The following ROPN1B variants were observed in gnomAD, a reference collection of about 807,000 sequenced individuals.
ROPN1B encodes rhophilin associated tail protein 1B, also known as ropporin-1B.
In ROPN1B, 13 loss-of-function variants were observed where a neutral mutation model predicts 23.7. The observed-to-expected ratio is 0.55, with a 90% CI of 0.36 to 0.87. The LOEUF is 0.87. Ranked by LOEUF, ROPN1B falls within the 40% of genes least tolerant of loss-of-function variation. The pLI is 0.01. For missense variants in ROPN1B, 183 were observed against 249.2 expected, an observed-to-expected ratio of 0.73 and a Z score of 1.79; for synonymous variants, 67 against 100.4, an observed-to-expected ratio of 0.67 and a Z score of 1.99.
Position 125,983,441 on chromosome 3 carries a change from T to C in ROPN1B, c.*121T>C. 2 of 702,178 alleles carry C rather than the reference T, an allele frequency of 2.8e-6. No homozygotes were observed. Among genetic ancestry groups the C allele is most frequent in the Non-Finnish European group, 5.1e-6 (2 of 395,424 alleles). The allele number at this position is 702,178 out of a possible 1,614,324, so 43.5% of individuals were successfully genotyped here. A position where few individuals can be genotyped will look rare whatever the true frequency, so the allele number is the denominator to read the frequency against. On this transcript the variant is annotated 3_prime_UTR_variant, in exon 7 of 7. Transcript: ENST00000514116. Reference sequence around the variant, plus strand: ...ACTGGTACACACTAATAAACAAACATGTGAGATCAGAAATGTGCGGAATTA... The same window carrying C: ...ACTGGTACACACTAATAAACAAACACGTGAGATCAGAAATGTGCGGAATTA...
rs200315409 is a variant in ROPN1B at position 125,983,291 on chromosome 3, A to C, written c.610A>C (p.Thr204Pro). The change falls in exon 7 of 7, where the codon ACC (threonine) becomes CCC (proline). Residue 204 changes from threonine to proline, a missense_variant. Around this residue, in one of 3 missense-constraint regions of ROPN1B, gnomAD observed 80 missense variants for 98.0 expected, o/e 0.82. Coordinates refer to ENST00000514116, the MANE Select transcript of ROPN1B (RefSeq NM_001308313.2). ...PDGLITVNDF[T>P]QNPRVWLE ...TGGTTTAATCACGGTGAATGACTTT[A>C]CCCAAAACCCCAGGGTTTGGCTGGA... is the stretch of plus-strand genomic sequence containing the variant. The C allele has an allele frequency of 2.7e-4, 431 of 1,613,810 alleles. No individual in the cohort carries two copies. The highest frequency in any genetic ancestry group is 3.6e-4 in the Non-Finnish European group (421 of 1,179,736).
chr3:125,981,398 C>G (rs1481098557), intron 5 of ROPN1B, among the ~76,000 whole-genome samples: 1 of 152,190 alleles, frequency 6.6e-6, no homozygotes, highest in African/African-American at 2.4e-5. Context: ...TTCACTCACC[C>G]TAAGTCACCA....
intron 5 of ROPN1B, chr3:125,977,775 A>G (rs1938476715): frequency 6.4e-6 from 1 of 156,108 alleles, no homozygotes; most frequent in Non-Finnish European, 1.4e-5. Context: ...ATCAGTTTAT[A>G]TGTATAGATA....
chr3:125,973,417 C>G (rs1196730280), intron 3 of ROPN1B: 1 of 178,612 alleles, frequency 5.6e-6, no homozygotes, highest in Non-Finnish European at 1.2e-5. Context: ...GTAATAAGCC[C>G]TGTTTAGTTT....
At chr3:125,975,310 C>A (rs1200436477) in intron 3 of ROPN1B, among the ~76,000 whole-genome samples, 1 of 152,226 alleles carries the variant, frequency 6.6e-6, no homozygotes, top group Non-Finnish European at 1.5e-5. Context: ...CCAAACTTTT[C>A]TTGGTTCTTC....
Position 125,978,980 on chromosome 3 carries a change from A to G in ROPN1B, c.396+1815A>G, listed in dbSNP as rs568024022. ...CTAGAGAGGGGAAATCATGAGGTGA[A>G]TTGGATCTTTCTACTTCCCTTCTAA... On this transcript the variant is annotated intron_variant, in intron 5 of 6. Coordinates refer to ENST00000514116, the MANE Select transcript of ROPN1B (RefSeq NM_001308313.2). Among the ~76,000 whole-genome samples, 3 of 152,312 alleles carry G rather than the reference A, an allele frequency of 2.0e-5. No homozygotes were observed. In the East Asian group the frequency reaches 5.8e-4, roughly 29 times the overall value.
chr3:125,970,648 A>T (rs190216820), intron 1 of ROPN1B, among the ~76,000 whole-genome samples: 7 of 152,308 alleles, frequency 4.6e-5, no homozygotes, highest in East Asian at 1.9e-4. Context: ...TACTAAAAAA[A>T]TTTTAAAAAA....
chr3:125,981,603 C>A (rs1938613907), intron 5 of ROPN1B, among the ~76,000 whole-genome samples: 1 of 152,152 alleles, frequency 6.6e-6, no homozygotes, highest in South Asian at 2.1e-4. Context: ...GTTCAAGTTT[C>A]ATTGTAAGGA....
chr3:125,978,909 C>T (rs1938516328), intron 5 of ROPN1B, among the ~76,000 whole-genome samples: 1 of 152,048 alleles, frequency 6.6e-6, no homozygotes, highest in Admixed American at 6.5e-5. Flanking sequence ...TCTGCTTAGC[C>T]CACCGTGTAG....
chr3:125,975,483 A>G, intron 3 of ROPN1B, 80 bp from the exon 4 acceptor site: 1 of 1,401,956 alleles, frequency 7.1e-7, no homozygotes, highest in Non-Finnish European at 9.7e-7. Context: ...TTCCCTCAGA[A>G]GAAGGGGGAA....
Position 125,972,163 on chromosome 3 carries a change from G to C in ROPN1B, c.109G>C (p.Gly37Arg), listed in dbSNP as rs1938235463. 1 of 1,614,084 alleles carries C rather than the reference G, an allele frequency of 6.2e-7. No individual in the cohort carries two copies. Among genetic ancestry groups the C allele is most frequent in the South Asian group, 1.1e-5 (1 of 91,086 alleles). ...RAQPQDLIQW[G>R]ADYFEALSRG... ...GCAGCCGCAGGACCTCATCCAGTGG[G>C]GGGCCGAGTACGTGCTCCTTTCTCG... is the stretch of plus-strand genomic sequence containing the variant. Residue 37 changes from glycine to arginine, a missense_variant, in exon 3 of 7, where the codon GGG becomes CGG. Gly to Arg is a moderately radical substitution (Grantham distance 125). Transcript: ENST00000514116.
chr3:125,973,827 A>T (rs1218653929), intron 3 of ROPN1B: 1 of 146,358 alleles, frequency 6.8e-6, no homozygotes, highest in Non-Finnish European at 1.5e-5. Context: ...TTAGAGAATA[A>T]AACTCTGCAA....
At chr3:125,978,539 A>G (rs1459833672) in intron 5 of ROPN1B, among the ~76,000 whole-genome samples, 1 of 152,202 alleles carries the variant, frequency 6.6e-6, no homozygotes, top group Non-Finnish European at 1.5e-5. Flanking sequence ...ATGGCAGTTG[A>G]ATGTAGATGG....
intron 3 of ROPN1B, among the ~76,000 whole-genome samples, chr3:125,974,311 T>C (rs971906621): frequency 7.0e-6 from 1 of 143,054 alleles, no homozygotes; most frequent in Non-Finnish European, 1.5e-5. Context: ...CTCAAGCACA[T>C]TGTTAAAGGT....
chr3:125,972,788 C>CTCACAGTACA (rs1938264620), intron 3 of ROPN1B: 1 of 365,048 alleles, frequency 2.7e-6, no homozygotes, highest in African/African-American at 2.1e-5. Context: ...TAATGATGTC[C>CTCACAGTACA]TCACAGTACA....
intron 3 of ROPN1B, chr3:125,972,720 T>A (rs1373257892): frequency 2.8e-6 from 1 of 355,784 alleles, no homozygotes; most frequent in East Asian, 7.8e-5. Flanking sequence ...TTTGTATCTT[T>A]GAGGAAATTA....
chr3:125,970,722 A>G (rs1938170211), intron 1 of ROPN1B, among the ~76,000 whole-genome samples: 1 of 152,218 alleles, frequency 6.6e-6, no homozygotes, highest in Non-Finnish European at 1.5e-5. Flanking sequence ...TACTTTGCAA[A>G]GTCTAAAATT....
At chr3:125,976,094 G>A (rs1016460495) in intron 4 of ROPN1B, among the ~76,000 whole-genome samples, 22 of 152,296 alleles carry the variant, frequency 1.4e-4, no homozygotes, top group African/African-American at 3.6e-4. Context: ...TAGCTTTTAG[G>A]GAGAGGCTGT....
At chr3:125,976,320 ATCAGACAG>A (rs1460066923) in intron 4 of ROPN1B, among the ~76,000 whole-genome samples, 2 of 152,200 alleles carry the variant, frequency 1.3e-5, no homozygotes, top group African/African-American at 2.4e-5. Context: ...TTTCACTAGA[ATCAGACAG>A]TCAGGAAAGG....
Sources: gnomAD v4.1 joint callset for allele counts (sites outside exome capture counted in the v4.1 genomes callset) on GRCh38, gnomAD v4.1.1 for gene constraint, gnomAD v4.1.1 regional missense constraint, MANE v1.5 for transcripts, NCBI Gene and HGNC (gene_info 2026-07-23, HGNC 2026-07-21) for gene names.